Variants in CEP120 observed in about 807,000 individuals in gnomAD.
CEP120 encodes the protein centrosomal protein 120, also known as centrosomal protein of 120 kDa.
In CEP120, 113 loss-of-function variants were observed where a neutral mutation model predicts 126.5. That is an observed-to-expected ratio of 0.89 (90% confidence interval 0.77 to 1.04). CEP120 has a LOEUF of 1.04. Among genes scored for constraint, CEP120 ranks in the 50% least tolerant of loss-of-function variants. The probability of loss-of-function intolerance (pLI) is 0.00; values close to 1 mark genes in which losing one functional copy is unlikely to be tolerated. For missense variants in CEP120, 1,230 were observed against 1,155.7 expected, an observed-to-expected ratio of 1.06 and a Z score of -0.93; for synonymous variants, 400 against 394.3, an observed-to-expected ratio of 1.01 and a Z score of -0.17.
chr5:123,367,320 T>G (rs1770534787), intron 17 of CEP120, among the ~76,000 whole-genome samples: 1 of 151,932 alleles, frequency 6.6e-6, no homozygotes, highest in South Asian at 2.1e-4. Context: ...TCAATATATC[T>G]TCAGTCTTTT....
At chr5:123,374,847 T>C (rs1190168779) in intron 16 of CEP120, among the ~76,000 whole-genome samples, 1 of 152,142 alleles carries the variant, frequency 6.6e-6, no homozygotes, top group Admixed American at 6.5e-5. Flanking sequence ...CAGAACATTA[T>C]CATACACAAT....
Position 123,388,624 on chromosome 5 carries a change from TAAAAC to T in CEP120, c.1256-23_1256-19del. The T allele has an allele frequency of 2.0e-6, 3 of 1,516,602 alleles. 1 individual carries two copies. Among genetic ancestry groups the T allele is most frequent in the Admixed American group, 4.5e-5 (2 of 44,188 alleles). The allele number at this position is 1,516,602 out of a possible 1,614,324, so 93.9% of individuals were successfully genotyped here. On this transcript the variant is annotated intron_variant, in intron 8 of 19. Transcript: ENST00000306467. ...AGAACTGGCTGAAATGAACATAAAATAAAACAAAATAATCACACTTGCTAACAGTT... is the reference window on the plus strand; with the variant it reads ...AGAACTGGCTGAAATGAACATAAAATAAAATAATCACACTTGCTAACAGTT...
intron 4 of CEP120, among the ~76,000 whole-genome samples, chr5:123,409,490 C>T (rs1044231117): frequency 1.3e-5 from 2 of 151,780 alleles, no homozygotes; most frequent in Non-Finnish European, 2.9e-5. Flanking sequence ...AGGTACAAGA[C>T]AAGGATGTCC....
chr5:123,403,678 C>T (rs529831941), intron 4 of CEP120: 1 of 404,094 alleles, frequency 2.5e-6, no homozygotes, highest in Admixed American at 3.2e-5. Context: ...TAGGACAAAT[C>T]AAAATTGTGC....
chr5:123,422,921 G>GT, intron 1 of CEP120, 29 bp downstream of exon 1: 4 of 1,608,630 alleles, frequency 2.5e-6, no homozygotes, highest in Non-Finnish European at 3.4e-6. Flanking sequence ...GGAGGCAGCA[G>GT]TTGCAAAAGC....
At chr5:123,364,115 C>T (rs1351549388) in intron 18 of CEP120, among the ~76,000 whole-genome samples, 2 of 151,404 alleles carry the variant, frequency 1.3e-5, no homozygotes, top group East Asian at 3.9e-4. Flanking sequence ...TTAAGAATAA[C>T]ATTTAAAATA....
intron 18 of CEP120, among the ~76,000 whole-genome samples, chr5:123,363,881 G>A (rs1049861537): frequency 6.6e-6 from 1 of 151,420 alleles, no homozygotes; most frequent in Non-Finnish European, 1.5e-5. Context: ...GTCAGTTAGG[G>A]TTAGATTCAA....
chr5:123,386,723 GAC>G, intron 9 of CEP120, 56 bp from the exon 10 acceptor site: 3 of 1,232,676 alleles, frequency 2.4e-6, no homozygotes, highest in Non-Finnish European at 2.1e-6. Context: ...GTTTACAGAT[GAC>G]ATTCAGTCTG....
intron 5 of CEP120, among the ~76,000 whole-genome samples, chr5:123,394,384 A>G (rs1043911973): frequency 6.6e-6 from 1 of 152,226 alleles, no homozygotes; most frequent in Non-Finnish European, 1.5e-5. Flanking sequence ...TTGGATTCTC[A>G]TAAGGAGCAC....
Position 123,364,506 on chromosome 5 carries a change from C to T in CEP120, c.2570G>A (p.Arg857Lys). The change falls in exon 18 of 20, where the codon AGA becomes AAA. Residue 857 changes from arginine to lysine, a missense_variant. Arg to Lys is a conservative substitution (Grantham distance 26, BLOSUM62 2). Coordinates refer to ENST00000306467, the MANE Select transcript of CEP120 (RefSeq NM_001375405.1). Reference sequence around the variant, plus strand: ...CTATAAACTACATACCTGTTTAAGTCTGGCAAGTTCTTTCAAAGCTCGTCC... The same window carrying T: ...CTATAAACTACATACCTGTTTAAGTTTGGCAAGTTCTTTCAAAGCTCGTCC... ...QWGRALKELA[R>K]LKQREQESQM... 17 of 1,603,202 alleles carry T rather than the reference C, an allele frequency of 1.1e-5. No homozygotes were observed. Among genetic ancestry groups the T allele is most frequent in the Non-Finnish European group, 1.4e-5 (17 of 1,173,132 alleles).
At chr5:123,381,701 TTC>T (rs1225562024) in intron 14 of CEP120, among the ~76,000 whole-genome samples, 1 of 152,068 alleles carries the variant, frequency 6.6e-6, no homozygotes. Context: ...GTGCTTTTAT[TTC>T]TTTTTTATAC....
At chr5:123,375,120 A>G (rs1261897478) in intron 16 of CEP120, among the ~76,000 whole-genome samples, 2 of 152,146 alleles carry the variant, frequency 1.3e-5, no homozygotes, top group South Asian at 2.1e-4. Context: ...CGTGAAATGT[A>G]TACAGTCATG....
At position 123,418,513 on chromosome 5, in the gene CEP120, G is replaced by A. The variant is rs371099291; in HGVS notation, c.52C>T (p.Arg18Trp). ...TGCTTTGGACGTTTGGGGAAATGCC[G>A]ACCTGGAGAAACAGAATATATAGAT... is the stretch of plus-strand genomic sequence containing the variant. ...LLIVVSILEG[R>W]HFPKRPKHML... is the part of the protein sequence containing the mutation. Residue 18 changes from arginine to tryptophan, a missense_variant and splice_region_variant, in exon 2 of 20, where the codon CGG becomes TGG. Physicochemically the swap from Arg to Trp is moderately radical, Grantham distance 101. Transcript: ENST00000306467. The A allele has an allele frequency of 9.4e-6, 15 of 1,593,126 alleles. No homozygotes were observed. Among genetic ancestry groups the A allele is most frequent in the Admixed American group, 1.7e-5 (1 of 58,352 alleles).
chr5:123,413,820 T>C (rs1178383029), intron 3 of CEP120, among the ~76,000 whole-genome samples: 1 of 152,226 alleles, frequency 6.6e-6, no homozygotes, highest in Non-Finnish European at 1.5e-5. Flanking sequence ...TTATAACAAA[T>C]ATGTTATAAT....
At chr5:123,382,066 A>G (rs1435094142) in intron 14 of CEP120, 45 bp downstream of exon 14, 1 of 1,248,688 alleles carries the variant, frequency 8.0e-7, no homozygotes, top group East Asian at 2.4e-5. Flanking sequence ...AGATATTATC[A>G]TTAATATTCT....
intron 4 of CEP120, chr5:123,402,100 G>A (rs1773289079): frequency 1.6e-5 from 25 of 1,566,624 alleles, no homozygotes; most frequent in Non-Finnish European, 2.1e-5. Context: ...TGGATGTCGG[G>A]GTCCACCTCC....
At chr5:123,388,853 C>A (rs1360149104) in intron 8 of CEP120, among the ~76,000 whole-genome samples, 1 of 152,156 alleles carries the variant, frequency 6.6e-6, no homozygotes, top group Non-Finnish European at 1.5e-5. Context: ...AGAAAACGTA[C>A]AGAACCAATA....
chr5:123,414,722 T>C (rs1774271319), intron 3 of CEP120, among the ~76,000 whole-genome samples: 1 of 151,622 alleles, frequency 6.6e-6, no homozygotes, highest in African/African-American at 2.4e-5. Context: ...ATCCCAACAC[T>C]CTGGGAGGCC....
intron 5 of CEP120, among the ~76,000 whole-genome samples, chr5:123,394,077 G>A (rs1772594859): frequency 1.3e-5 from 2 of 152,130 alleles, no homozygotes; most frequent in Admixed American, 1.3e-4. Context: ...ACTAAGAGAT[G>A]GGATTCTTGT....
Sources: gnomAD v4.1 joint callset for allele counts (sites outside exome capture counted in the v4.1 genomes callset) on GRCh38, gnomAD v4.1.1 for gene constraint, MANE v1.5 for transcripts, NCBI Gene and HGNC (gene_info 2026-07-23, HGNC 2026-07-21) for gene names.